Variants in BUB1B observed in about 807,000 individuals in gnomAD.
The protein encoded by BUB1B is mitotic checkpoint serine/threonine-protein kinase BUB1 beta.
Under a neutral mutation model 137.7 loss-of-function variants are expected in BUB1B, and 86 were observed. The observed-to-expected ratio is 0.62, with a 90% CI of 0.52 to 0.75. The LOEUF (loss-of-function observed/expected upper bound fraction) is 0.75, where lower values mean the gene tolerates loss of function less well. BUB1B is among the 30% of genes least tolerant of loss of function. BUB1B has a pLI of 0.00. For missense variants in BUB1B, 1,130 were observed against 1,236.9 expected, an observed-to-expected ratio of 0.91 and a Z score of 1.30; for synonymous variants, 420 against 417.9, an observed-to-expected ratio of 1.00 and a Z score of -0.06.
intron 14 of BUB1B, among the ~76,000 whole-genome samples, chr15:40,202,964 G>A (rs2037593729): frequency 6.6e-6 from 1 of 152,214 alleles, no homozygotes; most frequent in Admixed American, 6.5e-5. Flanking sequence ...TGGTGGGAAT[G>A]TAAAATGGTG....
At chr15:40,218,369 G>A (rs1483164378) in intron 21 of BUB1B, 87 bp from the exon 22 acceptor site, 1 of 935,360 alleles carries the variant, frequency 1.1e-6, no homozygotes, top group African/African-American at 1.6e-5. Flanking sequence ...GTTAAGCACT[G>A]TAATACCTTT....
chr15:40,163,476 A>T (rs748294209), intron 1 of BUB1B, among the ~76,000 whole-genome samples: 4 of 152,110 alleles, frequency 2.6e-5, no homozygotes, highest in Non-Finnish European at 4.4e-5. Context: ...ATGCCTTATG[A>T]AAGTGCCCAG....
rs1351370805 is a variant in BUB1B, at chr15:40,199,700, T to C, written c.1374T>C (p.Thr458=). 3 of 1,613,668 alleles carry C rather than the reference T, an allele frequency of 1.9e-6. No individual in the cohort carries two copies. The highest frequency in any genetic ancestry group is 2.7e-5 in the African/African-American group (2 of 74,926). The change falls in exon 10 of 23, where the codon ACT becomes ACC. Residue 458 remains threonine, a synonymous_variant. Transcript: ENST00000287598. ...EMEKKLKEIQ[T]TQQERTGDQQ... is the part of the protein sequence containing the mutation. ...AGAAGAAGCTAAAAGAAATCCAAAC[T>C]ACTCAGCAAGAAAGAACAGGTGATC...
At chr15:40,167,482 A>G (rs529017103) in intron 2 of BUB1B, among the ~76,000 whole-genome samples, 4 of 149,936 alleles carry the variant, frequency 2.7e-5, no homozygotes, top group Non-Finnish European at 4.4e-5. Context: ...AGCTGGGATT[A>G]CAGGCACGCA....
intron 12 of BUB1B, among the ~76,000 whole-genome samples, chr15:40,201,723 G>A (rs1480485405): frequency 6.6e-6 from 1 of 152,108 alleles, no homozygotes; most frequent in African/African-American, 2.4e-5. Context: ...CTGGAGTGCG[G>A]TGGCGCGATC....
Position 40,209,729 on chromosome 15 carries a change from A to C in BUB1B, c.2238A>C (p.Glu746Asp). Residue 746 changes from glutamate (E) to aspartate (D), a missense_variant, in exon 17 of 23, where the codon GAA (glutamate) becomes GAC (aspartate). Glu to Asp is a conservative substitution (Grantham distance 45, BLOSUM62 2). Coordinates refer to ENST00000287598, the MANE Select transcript of BUB1B (RefSeq NM_001211.6). Reference sequence around the variant, plus strand: ...GTGCCTCTGCAGAGTTGTGTATAGAAGACAGACCAATGCCTAAGTTGGAAA... The same window carrying C: ...GTGCCTCTGCAGAGTTGTGTATAGACGACAGACCAATGCCTAAGTTGGAAA... ...ELSASAELCI[E>D]DRPMPKLEIE... is the part of the protein sequence containing the mutation. 6.2e-7 allele frequency: 1 copy of C among 1,614,202 alleles called. No homozygotes were observed. The highest frequency in any genetic ancestry group is 2.2e-5 in the East Asian group (1 of 44,876).
intron 4 of BUB1B, among the ~76,000 whole-genome samples, chr15:40,173,314 A>AC (rs2037187485): frequency 6.6e-6 from 1 of 151,254 alleles, no homozygotes; most frequent in Non-Finnish European, 1.5e-5. Flanking sequence ...AAAAAAAAAA[A>AC]AAAGATTGGA....
chr15:40,165,157 A>G lies in BUB1B; in HGVS notation c.140A>G (p.Gln47Arg). The change falls in exon 2 of 23, where the codon CAA becomes CGA. Residue 47 changes from glutamine to arginine, a missense_variant. By Grantham distance (43) the Gln-to-Arg change is conservative. Transcript: ENST00000287598. The stretch of plus-strand genomic sequence containing the variant: ...TCCACGCTTCAGGGAGCACTGGCAC[A>G]AGAATCTGCCTGTAACAATACTCTT... ...IMSTLQGALAQESACNNTLQQ... is the reference protein window; with the variant it reads ...IMSTLQGALARESACNNTLQQ... The G allele has an allele frequency of 6.2e-7, 1 of 1,614,234 alleles. No individual in the cohort carries two copies.
chr15:40,187,884 G>A (rs902061092), intron 8 of BUB1B, among the ~76,000 whole-genome samples: 3 of 152,148 alleles, frequency 2.0e-5, no homozygotes, highest in African/African-American at 7.2e-5. Flanking sequence ...CCTGAGTACA[G>A]AGTGAGACCT....
chr15:40,200,211 G>A (rs373211006), intron 10 of BUB1B, 33 bp from the exon 11 acceptor site: 1 of 1,449,706 alleles, frequency 6.9e-7, no homozygotes, highest in African/African-American at 1.4e-5. Context: ...CTGGATGGGA[G>A]GGACATTGAT....
intron 14 of BUB1B, among the ~76,000 whole-genome samples, chr15:40,203,410 A>G (rs1450868686): frequency 6.6e-6 from 1 of 152,198 alleles, no homozygotes; most frequent in Non-Finnish European, 1.5e-5. Flanking sequence ...GTGACTGCTA[A>G]TGGGTATAGG....
chr15:40,220,899 A>G lies in BUB1B; in HGVS notation c.*140A>G. ...CTGTTCTACTTTTTGGTACAGGTATATTTTGACGTCACTGATATTTTTTAT... is the reference window on the plus strand; with the variant it reads ...CTGTTCTACTTTTTGGTACAGGTATGTTTTGACGTCACTGATATTTTTTAT... On this transcript the variant is annotated 3_prime_UTR_variant, in exon 23 of 23. Transcript: ENST00000287598. 1.1e-6 allele frequency: 1 copy of G among 897,026 alleles called. No homozygotes were observed. The highest frequency in any genetic ancestry group is 1.8e-6 in the Non-Finnish European group (1 of 557,978). The allele number at this position is 897,026 out of a possible 1,614,324, so 55.6% of individuals were successfully genotyped here. A position where few individuals can be genotyped will look rare whatever the true frequency, so the allele number is the denominator to read the frequency against.
intron 5 of BUB1B, among the ~76,000 whole-genome samples, chr15:40,179,174 G>C (rs1169789116): frequency 6.6e-6 from 1 of 151,824 alleles, no homozygotes; most frequent in East Asian, 1.9e-4. Flanking sequence ...TCCAGGGAGG[G>C]AAGGGTGGAA....
At chr15:40,172,734 AG>A (rs1372335671) in intron 4 of BUB1B, among the ~76,000 whole-genome samples, 2 of 152,218 alleles carry the variant, frequency 1.3e-5, no homozygotes, top group Non-Finnish European at 2.9e-5. Context: ...ATAGAAAATT[AG>A]GTAAATCCTG....
chr15:40,198,596 T>C (rs2037527372), intron 9 of BUB1B, among the ~76,000 whole-genome samples: 1 of 152,194 alleles, frequency 6.6e-6, no homozygotes, highest in Non-Finnish European at 1.5e-5. Context: ...AAGGTTGTTT[T>C]TTCTTTGCGT....
At chr15:40,211,136 T>TGG in intron 18 of BUB1B, among the ~76,000 whole-genome samples, 1 of 152,278 alleles carries the variant, frequency 6.6e-6, no homozygotes, top group South Asian at 2.1e-4. Flanking sequence ...ATTCTCTCTT[T>TGG]GTCTTTTTAC....
intron 9 of BUB1B, among the ~76,000 whole-genome samples, chr15:40,199,043 G>A (rs1213862784): frequency 2.6e-5 from 4 of 152,170 alleles, no homozygotes; most frequent in Admixed American, 1.3e-4. Context: ...CTTAGACACA[G>A]TGGTCTTTTC....
chr15:40,183,904 T>A, intron 6 of BUB1B, 21 bp downstream of exon 6: 1 of 1,612,046 alleles, frequency 6.2e-7, no homozygotes, highest in Non-Finnish European at 8.5e-7. Flanking sequence ...TAAACGTTAT[T>A]TCGGAAAACT....
chr15:40,200,952 C>G lies in BUB1B; in HGVS notation c.1539C>G (p.Asn513Lys). 6.2e-7 allele frequency: 1 copy of G among 1,613,316 alleles called. No homozygotes were observed. Among genetic ancestry groups the G allele is most frequent in the Non-Finnish European group, 8.5e-7 (1 of 1,179,554 alleles). The change falls in exon 12 of 23, where the codon AAC becomes AAG. Residue 513 changes from asparagine to lysine, a missense_variant. Coordinates refer to ENST00000287598, the MANE Select transcript of BUB1B (RefSeq NM_001211.6). ...ACAGAGAAACTTCACTTGCGGAGAACATTTGGCAGGAACAACCTCATTCTA... is the reference window on the plus strand; with the variant it reads ...ACAGAGAAACTTCACTTGCGGAGAAGATTTGGCAGGAACAACCTCATTCTA... ...CCARETSLAE[N>K]IWQEQPHSKG...
Sources: gnomAD v4.1 joint callset for allele counts (sites outside exome capture counted in the v4.1 genomes callset) on GRCh38, gnomAD v4.1.1 for gene constraint, MANE v1.5 for transcripts, NCBI Gene and HGNC (gene_info 2026-07-23, HGNC 2026-07-21) for gene names.